Variants in TAFA4 observed in about 807,000 individuals in gnomAD.
The protein encoded by TAFA4 is TAFA chemokine like family member 4.
TAFA4 carries 20 observed loss-of-function variants against 21.1 expected under a neutral mutation model. The ratio of observed to expected loss-of-function variants is 0.95; its 90% CI spans 0.67 to 1.38. TAFA4 has a LOEUF of 1.38. Ranked by LOEUF, TAFA4 falls within the 40% of genes most tolerant of loss-of-function variation. TAFA4 has a pLI of 0.00. For missense variants in TAFA4, 211 were observed against 180.9 expected, an observed-to-expected ratio of 1.17 and a Z score of -0.95; for synonymous variants, 71 against 67.4, an observed-to-expected ratio of 1.05 and a Z score of -0.26.
intron 2 of TAFA4, among the ~76,000 whole-genome samples, chr3:68,883,876 C>T (rs979953366): frequency 7.2e-5 from 11 of 151,734 alleles, no homozygotes; most frequent in African/African-American, 1.9e-4. Context: ...AAGGCAGGAG[C>T]GAGCTATGAT....
chr3:68,781,864 C>G (rs1354508054), intron 3 of TAFA4, among the ~76,000 whole-genome samples: 2 of 152,080 alleles, frequency 1.3e-5, no homozygotes, highest in African/African-American at 2.4e-5. Context: ...CTTTTAAACA[C>G]TAGCAAATCA....
At chr3:68,827,716 C>T (rs1389604440) in intron 3 of TAFA4, among the ~76,000 whole-genome samples, 1 of 152,140 alleles carries the variant, frequency 6.6e-6, no homozygotes, top group African/African-American at 2.4e-5. Flanking sequence ...ATCCCTTGCC[C>T]ACTTTTTAAC....
chr3:68,788,567 A>C (rs1703304158), intron 3 of TAFA4, among the ~76,000 whole-genome samples: 1 of 152,112 alleles, frequency 6.6e-6, no homozygotes, highest in Non-Finnish European at 1.5e-5. Flanking sequence ...TGAGCTTTTC[A>C]CCTATGTTTT....
At chr3:68,753,828 G>A (rs1346856800) in intron 3 of TAFA4, among the ~76,000 whole-genome samples, 1 of 152,204 alleles carries the variant, frequency 6.6e-6, no homozygotes, top group Admixed American at 6.5e-5. Context: ...TAACCAGAGT[G>A]AGCCTGGATG....
intron 3 of TAFA4, among the ~76,000 whole-genome samples, chr3:68,822,565 G>C (rs909081658): frequency 6.6e-6 from 1 of 152,102 alleles, no homozygotes; most frequent in African/African-American, 2.4e-5. Context: ...TGACCTCCCT[G>C]GGCTTAAGCG....
intron 1 of TAFA4, among the ~76,000 whole-genome samples, chr3:68,929,845 T>C (rs2090143322): frequency 6.6e-6 from 1 of 152,362 alleles, no homozygotes; most frequent in South Asian, 2.1e-4. Flanking sequence ...GACTTCCTTC[T>C]TTCCCTTATT....
chr3:68,818,580 C>T (rs1180075486), intron 3 of TAFA4, among the ~76,000 whole-genome samples: 1 of 152,170 alleles, frequency 6.6e-6, no homozygotes, highest in African/African-American at 2.4e-5. Flanking sequence ...GTGACTCTTC[C>T]TTTCACTTGA....
At chr3:68,914,673 TA>T (rs1321762606) in intron 1 of TAFA4, among the ~76,000 whole-genome samples, 1 of 152,030 alleles carries the variant, frequency 6.6e-6, no homozygotes, top group African/African-American at 2.4e-5. Context: ...AATAATGTAG[TA>T]AAAAAACCAT....
chr3:68,769,772 TTTAA>T (rs1187950812), intron 3 of TAFA4, among the ~76,000 whole-genome samples: 3 of 152,214 alleles, frequency 2.0e-5, no homozygotes, highest in Non-Finnish European at 2.9e-5. Context: ...CCTCATAATA[TTTAA>T]TTAATTAACA....
At chr3:68,787,318 C>T (rs1168299619) in intron 3 of TAFA4, among the ~76,000 whole-genome samples, 2 of 152,196 alleles carry the variant, frequency 1.3e-5, no homozygotes, top group African/African-American at 4.8e-5. Context: ...TAACTCCCAG[C>T]TGTTCATCCA....
chr3:68,837,595 G>C (rs1704553686), intron 3 of TAFA4, among the ~76,000 whole-genome samples: 1 of 152,134 alleles, frequency 6.6e-6, no homozygotes, highest in Non-Finnish European at 1.5e-5. Context: ...ATGAATCAGA[G>C]GTGGGGGTCA....
intron 3 of TAFA4, among the ~76,000 whole-genome samples, chr3:68,838,720 C>T (rs1704582507): frequency 1.3e-5 from 2 of 152,018 alleles, no homozygotes; most frequent in Admixed American, 6.5e-5. Flanking sequence ...AAAGACATAC[C>T]ATAGGCCAGA....
At chr3:68,861,770 A>C (rs4855531) in intron 3 of TAFA4, among the ~76,000 whole-genome samples, 149,627 of 152,048 alleles carry the variant, frequency 0.98, 73,677 homozygotes, top group Middle Eastern at 1. Context: ...GAGAAAAGGG[A>C]AGTAGAAGGC....
At chr3:68,856,728 G>A (rs1158216167) in intron 3 of TAFA4, among the ~76,000 whole-genome samples, 2 of 152,154 alleles carry the variant, frequency 1.3e-5, no homozygotes, top group Admixed American at 6.5e-5. Context: ...ACATTCATAT[G>A]GAAGGAATAA....
intron 1 of TAFA4, among the ~76,000 whole-genome samples, chr3:68,910,338 T>C (rs1183119967): frequency 6.6e-6 from 1 of 152,160 alleles, no homozygotes; most frequent in Non-Finnish European, 1.5e-5. Flanking sequence ...CTTAACACAC[T>C]CCAGCTTCTC....
At chr3:68,806,091 T>C (rs1005611692) in intron 3 of TAFA4, among the ~76,000 whole-genome samples, 1 of 152,130 alleles carries the variant, frequency 6.6e-6, no homozygotes, top group East Asian at 1.9e-4. Context: ...TGACTTTAAG[T>C]ACCTGACAAC....
chr3:68,856,071 C>G (rs1227201129), intron 3 of TAFA4, among the ~76,000 whole-genome samples: 1 of 151,840 alleles, frequency 6.6e-6, no homozygotes, highest in African/African-American at 2.4e-5. Flanking sequence ...CAGTTCTGGA[C>G]TACCCGTCCA....
At chr3:68,836,960 T>C (rs1704536766) in intron 3 of TAFA4, among the ~76,000 whole-genome samples, 1 of 152,228 alleles carries the variant, frequency 6.6e-6, no homozygotes, top group African/African-American at 2.4e-5. Context: ...TGATAATCGG[T>C]ATAGTTCTCT....
chr3:68,825,623 G>A (rs1014752077), intron 3 of TAFA4, among the ~76,000 whole-genome samples: 5 of 151,820 alleles, frequency 3.3e-5, no homozygotes, highest in African/African-American at 1.2e-4. Flanking sequence ...AGAATAAAAA[G>A]GAGAGGCTCA....
Sources: gnomAD v4.1 joint callset for allele counts (sites outside exome capture counted in the v4.1 genomes callset) on GRCh38, gnomAD v4.1.1 for gene constraint, MANE v1.5 for transcripts, NCBI Gene and HGNC (gene_info 2026-07-23, HGNC 2026-07-21) for gene names.